The following SUPT3H variants were observed in gnomAD, a reference collection of about 807,000 sequenced individuals.
SUPT3H encodes the protein transcription initiation protein SPT3 homolog.
In SUPT3H, 44 loss-of-function variants were observed where a neutral mutation model predicts 44.3. The observed-to-expected ratio is 0.99, with a 90% CI of 0.78 to 1.28. SUPT3H has a LOEUF of 1.28. SUPT3H is among the 50% of genes most tolerant of loss of function. The pLI is 0.00. For missense variants in SUPT3H, 380 were observed against 387.1 expected, an observed-to-expected ratio of 0.98 and a Z score of 0.15; for synonymous variants, 124 against 125.6, an observed-to-expected ratio of 0.99 and a Z score of 0.09.
chr6:45,321,513 T>C (rs994816798), intron 2 of SUPT3H, among the ~76,000 whole-genome samples: 6 of 152,194 alleles, frequency 3.9e-5, no homozygotes, highest in Admixed American at 3.9e-4. Context: ...ATGGATATTG[T>C]ACTATAAAAA....
chr6:45,210,912 T>A (rs1180097642), intron 2 of SUPT3H, among the ~76,000 whole-genome samples: 1 of 152,048 alleles, frequency 6.6e-6, no homozygotes, highest in Non-Finnish European at 1.5e-5. Context: ...CAGGTCCAAG[T>A]ACAAGAATGG....
chr6:45,227,100 C>G (rs1767089419), intron 2 of SUPT3H, among the ~76,000 whole-genome samples: 1 of 151,138 alleles, frequency 6.6e-6, no homozygotes, highest in South Asian at 2.1e-4. Flanking sequence ...CTGCTTCAGC[C>G]TCCCAAAATG....
intron 6 of SUPT3H, among the ~76,000 whole-genome samples, chr6:45,001,389 G>A (rs1398420894): frequency 1.3e-5 from 2 of 152,010 alleles, no homozygotes; most frequent in East Asian, 1.9e-4. Context: ...AAATAAATGT[G>A]TAAGAGTTAG....
At chr6:45,176,242 G>T (rs914894603) in intron 2 of SUPT3H, among the ~76,000 whole-genome samples, 10 of 151,988 alleles carry the variant, frequency 6.6e-5, no homozygotes, top group African/African-American at 2.4e-4. Flanking sequence ...CCGAAGCAGG[G>T]CGAGGCATTG....
intron 2 of SUPT3H, among the ~76,000 whole-genome samples, chr6:45,271,925 T>C (rs571665770): frequency 1.7e-4 from 26 of 152,248 alleles, no homozygotes; most frequent in African/African-American, 6.0e-4. Flanking sequence ...TCAAAGGAAA[T>C]CATTTTGGAG....
chr6:45,169,445 C>A (rs976448857), intron 2 of SUPT3H, among the ~76,000 whole-genome samples: 1 of 152,092 alleles, frequency 6.6e-6, no homozygotes, highest in Non-Finnish European at 1.5e-5. Context: ...CAACTGTATG[C>A]AGCACTAGAT....
intron 2 of SUPT3H, among the ~76,000 whole-genome samples, chr6:45,113,498 T>A (rs910288807): frequency 2.0e-5 from 3 of 152,154 alleles, no homozygotes; most frequent in African/African-American, 7.2e-5. Context: ...ATGAATTTTA[T>A]TAACAATAGC....
At chr6:44,930,380 CA>C (rs35246989) in intron 10 of SUPT3H, among the ~76,000 whole-genome samples, 84,084 of 139,538 alleles carry the variant, frequency 0.6, 25,423 homozygotes, top group African/African-American at 0.76. Context: ...GACTCCGTCT[CA>C]AAAAAAAAAA....
intron 10 of SUPT3H, among the ~76,000 whole-genome samples, chr6:44,855,982 T>C (rs1359394853): frequency 6.6e-6 from 1 of 152,198 alleles, no homozygotes; most frequent in African/African-American, 2.4e-5. Flanking sequence ...CTGAATCTGC[T>C]ACTTTATGAG....
At chr6:45,105,537 T>A (rs1353702725) in intron 3 of SUPT3H, among the ~76,000 whole-genome samples, 2 of 152,190 alleles carry the variant, frequency 1.3e-5, no homozygotes, top group African/African-American at 2.4e-5. Context: ...TCAAATGGCA[T>A]GTCTAAAAAA....
At chr6:44,951,446 T>G (rs1562118276) in intron 9 of SUPT3H, among the ~76,000 whole-genome samples, 2 of 152,158 alleles carry the variant, frequency 1.3e-5, no homozygotes, top group African/African-American at 4.8e-5. Flanking sequence ...TGATGTTAGC[T>G]GCTGATTTTG....
At chr6:45,294,166 C>T (rs1388398343) in intron 2 of SUPT3H, among the ~76,000 whole-genome samples, 2 of 152,096 alleles carry the variant, frequency 1.3e-5, no homozygotes, top group African/African-American at 4.8e-5. Flanking sequence ...ACCAGGGATA[C>T]AGGGATGGTT....
chr6:45,109,911 A>C (rs2153573343), intron 2 of SUPT3H, among the ~76,000 whole-genome samples: 1 of 152,140 alleles, frequency 6.6e-6, no homozygotes, highest in East Asian at 1.9e-4. Flanking sequence ...TGTCCTAATC[A>C]ATAGATTCTG....
intron 2 of SUPT3H, among the ~76,000 whole-genome samples, chr6:45,224,703 G>C (rs1240535086): frequency 1.3e-5 from 2 of 151,614 alleles, no homozygotes; most frequent in Non-Finnish European, 2.9e-5. Flanking sequence ...GCTTGAACCT[G>C]GGAGGCAGAG....
chr6:45,328,412 A>G (rs1246863159), intron 2 of SUPT3H: 2 of 1,428,618 alleles, frequency 1.4e-6, no homozygotes, highest in Non-Finnish European at 9.4e-7. Flanking sequence ...TGGTTTTTAA[A>G]TGGTTAATCT....
intron 2 of SUPT3H, among the ~76,000 whole-genome samples, chr6:45,273,880 AG>A (rs1776603240): frequency 6.6e-6 from 1 of 152,196 alleles, no homozygotes; most frequent in South Asian, 2.1e-4. Flanking sequence ...TTTAACCTCT[AG>A]AAAAACTGCT....
rs532531525 is a variant in SUPT3H, at chr6:45,054,190, C to T, written c.187-33558G>A. ...CTTGCAATGACTGAGAAATCTTCTCCCCCCTGTAAGCTGTAGTAGGAAGGT... is the reference window on the plus strand; with the variant it reads ...CTTGCAATGACTGAGAAATCTTCTCTCCCCTGTAAGCTGTAGTAGGAAGGT... On this transcript the variant is annotated intron_variant, in intron 3 of 10. Coordinates refer to ENST00000371459, the MANE Select transcript of SUPT3H (RefSeq NM_003599.4). Among the ~76,000 whole-genome samples the T allele has an allele frequency of 4.0e-5, 6 of 151,834 alleles. No homozygotes were observed. In the South Asian group the frequency reaches 1.0e-3, roughly 26 times the overall value.
At chr6:45,049,736 C>G (rs1789983343) in intron 3 of SUPT3H, among the ~76,000 whole-genome samples, 1 of 152,178 alleles carries the variant, frequency 6.6e-6, no homozygotes, top group South Asian at 2.1e-4. Context: ...AACCCCTTCA[C>G]TTTTTACTAT....
At chr6:45,010,793 C>T (rs1465918949) in intron 5 of SUPT3H, among the ~76,000 whole-genome samples, 8 of 152,100 alleles carry the variant, frequency 5.3e-5, no homozygotes, top group African/African-American at 1.9e-4. Flanking sequence ...AATACTACCA[C>T]ACTGGGAATT....
Sources: allele counts gnomAD v4.1 joint callset (sites outside exome capture counted in the v4.1 genomes callset), GRCh38; gene constraint gnomAD v4.1.1; transcripts MANE v1.5; gene names NCBI Gene and HGNC (gene_info 2026-07-23, HGNC 2026-07-21).